The following NKAIN2 variants were observed in gnomAD, a reference collection of about 807,000 sequenced individuals.
NKAIN2 encodes sodium/potassium-transporting ATPase subunit beta-1-interacting protein 2.
In NKAIN2, 14 loss-of-function variants were observed where a neutral mutation model predicts 32.6. That is an observed-to-expected ratio of 0.43 (90% confidence interval 0.28 to 0.67). NKAIN2 has a LOEUF of 0.67. NKAIN2 is among the 30% of genes least tolerant of loss of function. The pLI is 0.17. For synonymous variants in NKAIN2, 80 were observed against 87.2 expected (o/e 0.92, Z 0.46); for missense variants, 198 against 258.3 (o/e 0.77, Z 1.60).
chr6:124,046,254 A>T (rs980701652), intron 1 of NKAIN2, among the ~76,000 whole-genome samples: 1 of 151,994 alleles, frequency 6.6e-6, no homozygotes, highest in Non-Finnish European at 1.5e-5. Flanking sequence ...AGTGATTTAA[A>T]AGAAAAATGA....
intron 1 of NKAIN2, among the ~76,000 whole-genome samples, chr6:123,903,525 C>T (rs147096735): frequency 2.8e-4 from 42 of 152,186 alleles, no homozygotes; most frequent in African/African-American, 8.7e-4. Context: ...TACTATCTAC[C>T]GGATAGAGCA....
At chr6:124,425,080 C>T (rs1329125085) in intron 3 of NKAIN2, among the ~76,000 whole-genome samples, 2 of 151,970 alleles carry the variant, frequency 1.3e-5, no homozygotes, top group Non-Finnish European at 2.9e-5. Flanking sequence ...AACCAGGGCA[C>T]CAAGAAAAAG....
chr6:123,946,694 A>G (rs530393099), intron 1 of NKAIN2, among the ~76,000 whole-genome samples: 20 of 152,302 alleles, frequency 1.3e-4, no homozygotes, highest in East Asian at 5.8e-4. Flanking sequence ...AGTAAAACCT[A>G]TAAATTCTGT....
intron 1 of NKAIN2, among the ~76,000 whole-genome samples, chr6:124,001,815 A>G (rs1330014135): frequency 1.4e-5 from 2 of 147,162 alleles, no homozygotes; most frequent in African/African-American, 4.9e-5. Flanking sequence ...ATATATATAT[A>G]TATATATATA....
intron 2 of NKAIN2, among the ~76,000 whole-genome samples, chr6:124,299,444 A>G (rs1259705040): frequency 6.6e-6 from 1 of 152,126 alleles, no homozygotes; most frequent in Non-Finnish European, 1.5e-5. Context: ...TCCAAATCGG[A>G]TCATTGCTCT....
At chr6:123,809,307 A>G (rs1423907829) in intron 1 of NKAIN2, among the ~76,000 whole-genome samples, 1 of 150,526 alleles carries the variant, frequency 6.6e-6, no homozygotes, top group Non-Finnish European at 1.5e-5. Flanking sequence ...AATAAAATAC[A>G]TAAGCCATCA....
At chr6:123,974,364 C>T (rs922976452) in intron 1 of NKAIN2, among the ~76,000 whole-genome samples, 14 of 152,002 alleles carry the variant, frequency 9.2e-5, no homozygotes, top group African/African-American at 1.5e-4. Context: ...CAGTTCCTGC[C>T]GTGTTTCTTT....
chr6:124,817,457 T>G (rs932101280), intron 5 of NKAIN2, among the ~76,000 whole-genome samples: 2 of 152,136 alleles, frequency 1.3e-5, no homozygotes, highest in Admixed American at 1.3e-4. Context: ...TGGTCCTTCA[T>G]TGATCTCTCC....
intron 4 of NKAIN2, among the ~76,000 whole-genome samples, chr6:124,726,633 T>C (rs1383752807): frequency 1.4e-5 from 2 of 147,714 alleles, no homozygotes; most frequent in Non-Finnish European, 3.0e-5. Flanking sequence ...AACTGGAAAC[T>C]CTAAAAACCA....
chr6:124,717,786 C>T (rs2114623368), intron 4 of NKAIN2, among the ~76,000 whole-genome samples: 1 of 152,190 alleles, frequency 6.6e-6, no homozygotes, highest in Non-Finnish European at 1.5e-5. Context: ...ATTGTGTGTT[C>T]TGAAGATTCA....
intron 4 of NKAIN2, among the ~76,000 whole-genome samples, chr6:124,723,570 C>T (rs1046035941): frequency 1.2e-4 from 19 of 152,140 alleles, no homozygotes; most frequent in African/African-American, 4.3e-4. Context: ...TGCCTTAGAC[C>T]TTAGCTATTT....
At chr6:124,000,959 G>T (rs552680095) in intron 1 of NKAIN2, among the ~76,000 whole-genome samples, 1 of 152,012 alleles carries the variant, frequency 6.6e-6, no homozygotes, top group South Asian at 2.1e-4. Context: ...GTAAAAGCTT[G>T]TTCACCATTG....
intron 4 of NKAIN2, among the ~76,000 whole-genome samples, chr6:124,767,457 T>TAGG (rs1778561387): frequency 6.6e-6 from 1 of 152,176 alleles, no homozygotes; most frequent in African/African-American, 2.4e-5. Flanking sequence ...CCTAGGCCAT[T>TAGG]ACCTTTACTC....
intron 3 of NKAIN2, among the ~76,000 whole-genome samples, chr6:124,363,546 CTG>C (rs999408460): frequency 1.3e-5 from 2 of 152,208 alleles, no homozygotes; most frequent in Non-Finnish European, 2.9e-5. Context: ...TGGAAAAACT[CTG>C]TAAATGCATA....
intron 3 of NKAIN2, among the ~76,000 whole-genome samples, chr6:124,611,357 T>G (rs912431041): frequency 6.6e-6 from 1 of 152,080 alleles, no homozygotes; most frequent in Non-Finnish European, 1.5e-5. Flanking sequence ...TTATTTTGTT[T>G]GTTTGTTTGT....
intron 2 of NKAIN2, among the ~76,000 whole-genome samples, chr6:124,287,954 T>TC (rs771670369): frequency 6.1e-4 from 80 of 132,076 alleles, no homozygotes; most frequent in South Asian, 4.5e-4. Flanking sequence ...AAATTATTTC[T>TC]CCCCCCCTCT....
intron 1 of NKAIN2, among the ~76,000 whole-genome samples, chr6:124,008,189 T>A (rs1337690415): frequency 1.3e-5 from 2 of 152,190 alleles, no homozygotes; most frequent in South Asian, 2.1e-4. Context: ...TTTGGTCAGA[T>A]ACTTCCAGTG....
At chr6:124,403,220 T>TGCATATTTTAC in intron 3 of NKAIN2, among the ~76,000 whole-genome samples, 1 of 152,338 alleles carries the variant, frequency 6.6e-6, no homozygotes, top group East Asian at 1.9e-4. Context: ...TCATATTTTA[T>TGCATATTTTAC]GCATATTTTA....
intron 3 of NKAIN2, among the ~76,000 whole-genome samples, chr6:124,485,414 A>G (rs1005166351): frequency 3.3e-5 from 5 of 152,050 alleles, no homozygotes; most frequent in Non-Finnish European, 7.4e-5. Context: ...CTTCCTTCCT[A>G]CTACCTATAT....
Sources: gnomAD v4.1 joint callset for allele counts (sites outside exome capture counted in the v4.1 genomes callset) on GRCh38, gnomAD v4.1.1 for gene constraint, MANE v1.5 for transcripts, NCBI Gene and HGNC (gene_info 2026-07-23, HGNC 2026-07-21) for gene names.